Variants in DAB1 observed in about 807,000 individuals in gnomAD.
The protein encoded by DAB1 is DAB adaptor protein 1, also known as disabled homolog 1.
In DAB1, 15 loss-of-function variants were observed where a neutral mutation model predicts 64.6. The observed-to-expected ratio is 0.23, with a 90% CI of 0.16 to 0.36. DAB1 has a LOEUF of 0.36. DAB1 is among the 10% of genes least tolerant of loss of function. DAB1 has a pLI of 1.00. For synonymous variants in DAB1, 235 were observed against 251.9 expected (o/e 0.93, Z 0.64); for missense variants, 596 against 706.7 (o/e 0.84, Z 1.78).
At chr1:58,353,077 G>A (rs780134183) in intron 3 of DAB1, among the ~76,000 whole-genome samples, 4 of 151,820 alleles carry the variant, frequency 2.6e-5, no homozygotes, top group Admixed American at 6.6e-5. Flanking sequence ...CCACGCTGCC[G>A]AATCGAACCT....
intron 5 of DAB1, chr1:58,048,372 C>G (rs1031787580): frequency 1.0e-6 from 1 of 962,222 alleles, no homozygotes; most frequent in African/African-American, 1.6e-5. Flanking sequence ...CTTCCACCAC[C>G]TCCAAAACTG....
intron 4 of DAB1, among the ~76,000 whole-genome samples, chr1:57,107,299 G>A (rs543760960): frequency 1.6e-4 from 24 of 151,140 alleles, no homozygotes; most frequent in Middle Eastern, 3.2e-3. Context: ...CGCTTGAACC[G>A]GGGAGGCGGA....
intron 6 of DAB1, among the ~76,000 whole-genome samples, chr1:57,662,879 T>G (rs1221944668): frequency 6.6e-6 from 1 of 152,186 alleles, no homozygotes; most frequent in Non-Finnish European, 1.5e-5. Context: ...TCCAAATTCT[T>G]TCTGTTTTTC....
At chr1:57,683,593 T>G (rs1346350743) in intron 6 of DAB1, among the ~76,000 whole-genome samples, 1 of 152,236 alleles carries the variant, frequency 6.6e-6, no homozygotes, top group Non-Finnish European at 1.5e-5. Flanking sequence ...ACAGAGCCTT[T>G]GCCCTCTAAG....
chr1:58,311,959 G>A (rs1253999514), intron 4 of DAB1, among the ~76,000 whole-genome samples: 1 of 152,182 alleles, frequency 6.6e-6, no homozygotes, highest in Non-Finnish European at 1.5e-5. Context: ...TTGCTGCATA[G>A]TTGATGGCAA....
chr1:58,502,629 G>C (rs1477468786), intron 3 of DAB1, among the ~76,000 whole-genome samples: 1 of 152,208 alleles, frequency 6.6e-6, no homozygotes, highest in African/African-American at 2.4e-5. Context: ...AAATGTAGTA[G>C]TAGTATACAG....
At chr1:57,978,771 C>T (rs1198894499) in intron 5 of DAB1, among the ~76,000 whole-genome samples, 2 of 152,192 alleles carry the variant, frequency 1.3e-5, no homozygotes, top group Non-Finnish European at 2.9e-5. Flanking sequence ...TGAACAGACA[C>T]TTCTCAAAAG....
chr1:58,145,365 C>A (rs1041286858), intron 5 of DAB1, among the ~76,000 whole-genome samples: 18 of 152,218 alleles, frequency 1.2e-4, no homozygotes, highest in Admixed American at 5.9e-4. Flanking sequence ...ATCCGCAACA[C>A]ATGACGCATC....
At chr1:57,801,811 C>G (rs970722071) in intron 6 of DAB1, among the ~76,000 whole-genome samples, 1 of 152,118 alleles carries the variant, frequency 6.6e-6, no homozygotes, top group Non-Finnish European at 1.5e-5. Context: ...GCACGTGCCA[C>G]CACACCCAGC....
chr1:57,579,022 C>G (rs1645282502), intron 7 of DAB1, among the ~76,000 whole-genome samples: 1 of 152,168 alleles, frequency 6.6e-6, no homozygotes, highest in Non-Finnish European at 1.5e-5. Flanking sequence ...GAAAAACTAG[C>G]ACCTCCAAGA....
intron 6 of DAB1, among the ~76,000 whole-genome samples, chr1:57,796,116 T>C (rs970480388): frequency 1.3e-5 from 2 of 152,142 alleles, no homozygotes; most frequent in African/African-American, 4.8e-5. Flanking sequence ...AACTCTCATA[T>C]GACAGTTGGC....
At chr1:57,489,218 A>G (rs1476717755) in intron 7 of DAB1, among the ~76,000 whole-genome samples, 1 of 152,208 alleles carries the variant, frequency 6.6e-6, no homozygotes. Flanking sequence ...TGCACAGATT[A>G]TTTGTGCTGA....
At chr1:57,555,445 C>A (rs1252031235) in intron 7 of DAB1, among the ~76,000 whole-genome samples, 3 of 146,858 alleles carry the variant, frequency 2.0e-5, no homozygotes, top group African/African-American at 7.5e-5. Flanking sequence ...GTAAGCACTG[C>A]ATTCATGGAA....
chr1:57,894,044 C>G (rs897099429), intron 5 of DAB1, among the ~76,000 whole-genome samples: 3 of 152,084 alleles, frequency 2.0e-5, no homozygotes, highest in Non-Finnish European at 4.4e-5. Flanking sequence ...ACTAGCAGGC[C>G]ACTGTGCATG....
chr1:58,002,117 T>C (rs1436966012), intron 5 of DAB1, among the ~76,000 whole-genome samples: 2 of 152,132 alleles, frequency 1.3e-5, no homozygotes, highest in African/African-American at 4.8e-5. Context: ...GCCACCAGAA[T>C]TGCAAAAAAA....
intron 5 of DAB1, among the ~76,000 whole-genome samples, chr1:57,997,724 A>G (rs1028309214): frequency 6.6e-6 from 1 of 152,120 alleles, no homozygotes; most frequent in South Asian, 2.1e-4. Context: ...ATTTTTATGC[A>G]GTAGAAGAAT....
intron 3 of DAB1, among the ~76,000 whole-genome samples, chr1:58,356,409 TAACA>T (rs913257812): frequency 9.2e-5 from 14 of 152,304 alleles, no homozygotes; most frequent in Admixed American, 2.0e-4. Context: ...GCATACATAA[TAACA>T]AACAAACAAT....
At chr1:57,600,360 G>T (rs982008779) in intron 7 of DAB1, among the ~76,000 whole-genome samples, 3 of 152,174 alleles carry the variant, frequency 2.0e-5, no homozygotes, top group African/African-American at 7.2e-5. Flanking sequence ...CCACTCCAGG[G>T]CGAGCAAGAC....
chr1:58,404,213 G>A (rs338916), intron 3 of DAB1, among the ~76,000 whole-genome samples: 20,697 of 152,220 alleles, frequency 0.14, 1,879 homozygotes, highest in Middle Eastern at 0.21. Flanking sequence ...TGGAACCTAA[G>A]TTCCTCCAAG....
Sources: allele counts gnomAD v4.1 joint callset (sites outside exome capture counted in the v4.1 genomes callset), GRCh38; gene constraint gnomAD v4.1.1; transcripts MANE v1.5; gene names NCBI Gene and HGNC (gene_info 2026-07-23, HGNC 2026-07-21).